Variants in TIAM2 observed in about 807,000 individuals in gnomAD.
TIAM2 encodes the protein TIAM Rac1 associated GEF 2, also known as rho guanine nucleotide exchange factor TIAM2.
TIAM2 carries 80 observed loss-of-function variants against 152.9 expected under a neutral mutation model. The ratio of observed to expected loss-of-function variants is 0.52; its 90% CI spans 0.44 to 0.63. The LOEUF is 0.63. Among genes scored for constraint, TIAM2 ranks in the 30% least tolerant of loss-of-function variants. The probability of loss-of-function intolerance (pLI) is 0.00; values close to 1 mark genes in which losing one functional copy is unlikely to be tolerated. For missense variants in TIAM2, 1,965 were observed against 2,120.1 expected, an observed-to-expected ratio of 0.93 and a Z score of 1.44; for synonymous variants, 804 against 838.0, an observed-to-expected ratio of 0.96 and a Z score of 0.70.
At chr6:155,111,921 A>G (rs1379205973) in intron 2 of TIAM2, among the ~76,000 whole-genome samples, 1 of 152,072 alleles carries the variant, frequency 6.6e-6, no homozygotes, top group Non-Finnish European at 1.5e-5. Context: ...CCTTATCCTC[A>G]AACTCAATCC....
At chr6:155,201,530 G>A (rs1484189611) in intron 14 of TIAM2, among the ~76,000 whole-genome samples, 1 of 152,130 alleles carries the variant, frequency 6.6e-6, no homozygotes, top group Non-Finnish European at 1.5e-5. Context: ...TTTTCACTGG[G>A]GCTCATAAAA....
intron 1 of TIAM2, among the ~76,000 whole-genome samples, chr6:155,002,918 T>C (rs1333873421): frequency 6.6e-6 from 1 of 152,052 alleles, no homozygotes; most frequent in African/African-American, 2.4e-5. Context: ...AGTCTCGAAC[T>C]CTTGACCTCA....
At chr6:155,101,173 G>C (rs140761199) in intron 2 of TIAM2, among the ~76,000 whole-genome samples, 230 of 152,252 alleles carry the variant, frequency 1.5e-3, no homozygotes, top group South Asian at 7.9e-3. Context: ...TGATCAAATG[G>C]GGAGAAAAAT....
chr6:155,047,690 AGAGAGAGAGAGAGAGC>A (rs1441103131), intron 1 of TIAM2, among the ~76,000 whole-genome samples: 15,160 of 29,434 alleles, frequency 0.52, 1,835 homozygotes, highest in East Asian at 0.61. Flanking sequence ...GAGAGAGAGG[AGAGAGAGAGAGAGAGC>A]GAGAGAGAGA....
chr6:155,172,686 A>ATATATATATT (rs1562341365), intron 9 of TIAM2, among the ~76,000 whole-genome samples: 6 of 19,630 alleles, frequency 3.1e-4, no homozygotes, highest in Non-Finnish European at 4.5e-4. Flanking sequence ...ATATATATAT[A>ATATATATATT]TTTTTTTTTT....
chr6:155,140,158 G>C (rs541361646), intron 5 of TIAM2, among the ~76,000 whole-genome samples: 84 of 152,326 alleles, frequency 5.5e-4, no homozygotes, highest in African/African-American at 1.9e-3. Context: ...AGATGACAGT[G>C]TCTCCTTTCT....
At chr6:155,197,868 A>G (rs931500832) in intron 14 of TIAM2, among the ~76,000 whole-genome samples, 1 of 152,216 alleles carries the variant, frequency 6.6e-6, no homozygotes, top group Non-Finnish European at 1.5e-5. Flanking sequence ...TATGGGAACT[A>G]CAATTCAAGA....
chr6:155,078,283 T>C (rs537748644), intron 1 of TIAM2, among the ~76,000 whole-genome samples: 39 of 152,242 alleles, frequency 2.6e-4, no homozygotes, highest in African/African-American at 8.9e-4. Flanking sequence ...TGGACTCAAG[T>C]GATCTGTCCG....
chr6:155,040,583 A>G (rs886223244), intron 1 of TIAM2, among the ~76,000 whole-genome samples: 1 of 152,064 alleles, frequency 6.6e-6, no homozygotes, highest in African/African-American at 2.4e-5. Context: ...CAGTGGCACC[A>G]TCTCGGCTCA....
intron 1 of TIAM2, among the ~76,000 whole-genome samples, chr6:155,051,911 A>T (rs1183910356): frequency 6.6e-6 from 1 of 152,114 alleles, no homozygotes; most frequent in African/African-American, 2.4e-5. Context: ...AAGTGCTGGG[A>T]TTACAGGCGT....
chr6:155,031,375 C>T (rs1044894661), intron 1 of TIAM2, among the ~76,000 whole-genome samples: 34 of 152,104 alleles, frequency 2.2e-4, no homozygotes, highest in Admixed American at 6.6e-4. Flanking sequence ...TATAATTTAT[C>T]TGTAATATTT....
chr6:155,256,024 G>GGGAGGGGA (rs61168889), intron 26 of TIAM2: 1 of 195,962 alleles, frequency 5.1e-6, no homozygotes, highest in Non-Finnish European at 1.0e-5. Context: ...AAAAAAGGGG[G>GGGAGGGGA]GGGGAGGGGC....
At position 155,130,116 on chromosome 6, in the gene TIAM2, C is replaced by A. The variant is rs771110749; in HGVS notation, c.893C>A (p.Ser298Tyr). ...KPFNQSSSLSSLRELYKDANL... is the reference protein window; with the variant it reads ...KPFNQSSSLSYLRELYKDANL... The stretch of plus-strand genomic sequence containing the variant: ...TTCAACCAAAGCTCTTCCCTCTCCT[C>A]CCTCCGGGAACTGTACAAAGATGCC... Residue 298 changes from serine to tyrosine, a missense_variant, in exon 4 of 27, where the codon TCC becomes TAC. By Grantham distance (144) the Ser-to-Tyr change is moderately radical (BLOSUM62 -2). Around this residue, in one of 3 missense-constraint regions of TIAM2, gnomAD observed 1,025 missense variants for 1,119.4 expected, o/e 0.92. Coordinates refer to ENST00000682666, the MANE Select transcript of TIAM2 (RefSeq NM_012454.4). The A allele has an allele frequency of 1.9e-6, 3 of 1,614,192 alleles. No homozygotes were observed. The highest frequency in any genetic ancestry group is 2.5e-6 in the Non-Finnish European group (3 of 1,180,048).
intron 2 of TIAM2, among the ~76,000 whole-genome samples, chr6:155,119,081 C>A (rs1412422937): frequency 6.6e-6 from 1 of 151,048 alleles, no homozygotes; most frequent in Non-Finnish European, 1.5e-5. Context: ...GTTGCTCAGG[C>A]TGGAGTGCAG....
At chr6:155,141,394 TACAC>T (rs67844080) in intron 5 of TIAM2, among the ~76,000 whole-genome samples, 16 of 150,200 alleles carry the variant, frequency 1.1e-4, no homozygotes, top group East Asian at 2.0e-4. Context: ...CATATATGTG[TACAC>T]ACACACACAC....
intron 18 of TIAM2, 46 bp from the exon 19 acceptor site, chr6:155,245,577 A>G (rs1783270750): frequency 6.7e-7 from 1 of 1,500,172 alleles, no homozygotes; most frequent in African/African-American, 1.4e-5. Context: ...GCCAGCACGC[A>G]TTGATTAAAC....
In TIAM2 at chr6:155,176,906, G is replaced by C. The variant is rs1780773295; in HGVS notation, c.2452G>C (p.Asp818His). ...WEIQTYVHFQDNHGVTVGIKP... is the reference protein window; with the variant it reads ...WEIQTYVHFQHNHGVTVGIKP... ...AATCCAGACTTATGTCCACTTTCAGGACAATCACGGAGTTACTGTAGGGAT... is the reference window on the plus strand; with the variant it reads ...AATCCAGACTTATGTCCACTTTCAGCACAATCACGGAGTTACTGTAGGGAT... The change falls in exon 10 of 27, where the codon GAC becomes CAC. Residue 818 changes from aspartate (D) to histidine (H), a missense_variant. Physicochemically the swap from Asp to His is moderately conservative, Grantham distance 81 (BLOSUM62 -1). Coordinates refer to ENST00000682666, the MANE Select transcript of TIAM2 (RefSeq NM_012454.4). 6.2e-7 allele frequency: 1 copy of C among 1,613,900 alleles called. No individual in the cohort carries two copies. Among genetic ancestry groups the C allele is most frequent in the African/African-American group, 1.3e-5 (1 of 74,900 alleles).
chr6:155,003,450 A>ACTGTT (rs1778347877), intron 1 of TIAM2, among the ~76,000 whole-genome samples: 6 of 152,000 alleles, frequency 3.9e-5, no homozygotes, highest in African/African-American at 7.3e-5. Flanking sequence ...ACTGCACTTC[A>ACTGTT]GCCTAGGCAA....
At chr6:155,225,795 T>A (rs1782221123) in intron 15 of TIAM2, among the ~76,000 whole-genome samples, 1 of 152,236 alleles carries the variant, frequency 6.6e-6, no homozygotes, top group African/African-American at 2.4e-5. Flanking sequence ...AGATAGGTAT[T>A]GTTCCATATA....
Sources: gnomAD v4.1 joint callset for allele counts (sites outside exome capture counted in the v4.1 genomes callset) on GRCh38, gnomAD v4.1.1 for gene constraint, gnomAD v4.1.1 regional missense constraint, MANE v1.5 for transcripts, NCBI Gene and HGNC (gene_info 2026-07-23, HGNC 2026-07-21) for gene names.